FAR1: variants seen among roughly 807,000 people sequenced by gnomAD.
FAR1 encodes fatty acyl-CoA reductase 1.
In FAR1, 22 loss-of-function variants were observed where a neutral mutation model predicts 61.1. The ratio of observed to expected loss-of-function variants is 0.36; its 90% CI spans 0.26 to 0.51. FAR1 has a LOEUF of 0.51. Ranked by LOEUF, FAR1 falls within the 20% of genes least tolerant of loss-of-function variation. FAR1 has a pLI of 0.95. For missense variants in FAR1, 359 were observed against 626.9 expected (o/e 0.57, Z 4.56); for synonymous variants, 206 against 209.7 (o/e 0.98, Z 0.15).
intron 8 of FAR1, among the ~76,000 whole-genome samples, chr11:13,713,765 T>C (rs1848526427): frequency 6.6e-6 from 1 of 152,108 alleles, no homozygotes; most frequent in Admixed American, 6.6e-5. Flanking sequence ...TTCTGTGGCA[T>C]TTTTATTTCA....
chr11:13,692,763 T>C (rs1271577590), intron 1 of FAR1, among the ~76,000 whole-genome samples: 4 of 152,194 alleles, frequency 2.6e-5, no homozygotes, highest in African/African-American at 9.6e-5. Flanking sequence ...TTCTAAATGC[T>C]TTCATATTAT....
In FAR1 at chr11:13,699,512, A is replaced by T. The variant is rs199608764; in HGVS notation, c.190-805A>T. On this transcript the variant is annotated intron_variant, in intron 2 of 11. Transcript: ENST00000354817. Reference sequence around the variant, plus strand: ...TATAGACTTTCTTCTTAGGTTAAGAATCCTGCTTAAACTGCAAGTTTGAAC... The same window carrying T: ...TATAGACTTTCTTCTTAGGTTAAGATTCCTGCTTAAACTGCAAGTTTGAAC... Among the ~76,000 whole-genome samples the T allele has an allele frequency of 2.0e-5, 3 of 152,328 alleles. No homozygotes were observed. The East Asian group carries it at 5.8e-4, about 29-fold the overall frequency.
rs1391508867 is a variant in FAR1, at chr11:13,694,852, G to A, written c.87G>A (p.Lys29=). Reference sequence around the variant, plus strand: ...TTCTAGGGAAGGTGCTTCTGGAAAAGTTGCTGAGGTCTTGTCCTAAGGTGA... The same window carrying A: ...TTCTAGGGAAGGTGCTTCTGGAAAAATTGCTGAGGTCTTGTCCTAAGGTGA... The part of the protein sequence containing the change: ...TGFLGKVLLE[K]LLRSCPKVNS... The change falls in exon 2 of 12, where the codon AAG becomes AAA. Residue 29 remains lysine, a synonymous_variant. Transcript: ENST00000354817. 4 of 1,614,064 alleles carry A rather than the reference G, an allele frequency of 2.5e-6. No homozygotes were observed. Among genetic ancestry groups the A allele is most frequent in the Non-Finnish European group, 3.4e-6 (4 of 1,179,950 alleles).
intron 10 of FAR1, among the ~76,000 whole-genome samples, chr11:13,727,285 C>A (rs915115516): frequency 2.0e-5 from 3 of 151,700 alleles, no homozygotes; most frequent in Admixed American, 1.3e-4. Flanking sequence ...ATGGTACAGG[C>A]TTTTTTCTTC....
chr11:13,722,879 A>T (rs1048612540), intron 10 of FAR1, among the ~76,000 whole-genome samples: 9 of 148,094 alleles, frequency 6.1e-5, no homozygotes, highest in South Asian at 2.2e-4. Context: ...TATATATATA[A>T]AATATGTATA....
At chr11:13,687,428 A>G (rs1848199603) in intron 1 of FAR1, among the ~76,000 whole-genome samples, 2 of 152,328 alleles carry the variant, frequency 1.3e-5, no homozygotes, top group South Asian at 4.1e-4. Flanking sequence ...TGGTGCAGCT[A>G]CTTTTCAACA....
Position 13,676,969 on chromosome 11 carries a change from T to A in FAR1, c.-8+8163T>A, listed in dbSNP as rs976596288. ...CCTCTCCTTCAATAAATTTAAAGAG[T>A]GATCAGAGAGGTTGACTTGCCTAAG... On this transcript the variant is annotated intron_variant, in intron 1 of 11. Coordinates refer to ENST00000354817, the MANE Select transcript of FAR1 (RefSeq NM_032228.6). Among the ~76,000 whole-genome samples, 9 of 152,110 alleles carry A rather than the reference T, an allele frequency of 5.9e-5. No homozygotes were observed. In the East Asian group the frequency reaches 1.7e-3, roughly 29 times the overall value.
intron 9 of FAR1, among the ~76,000 whole-genome samples, chr11:13,715,018 A>G (rs181732918): frequency 6.5e-4 from 99 of 152,300 alleles, no homozygotes; most frequent in Middle Eastern, 3.4e-3. Context: ...CCTTTAAACC[A>G]AGTATTCAGG....
Position 13,721,583 on chromosome 11 carries a change from C to T in FAR1, c.1128-147C>T, listed in dbSNP as rs1848610108. On this transcript the variant is annotated intron_variant, in intron 9 of 11. Transcript: ENST00000354817. The surrounding 1 kb of genome is among the most constrained non-coding windows in gnomAD (Gnocchi z 4.2). Reference sequence around the variant, plus strand: ...CCAAGATGCAGAAATAGTCTTATTCCCTGCTGATTTGGTACACTTAATGAT... The same window carrying T: ...CCAAGATGCAGAAATAGTCTTATTCTCTGCTGATTTGGTACACTTAATGAT... The T allele has an allele frequency of 6.8e-6, 4 of 589,606 alleles. No individual in the cohort carries two copies. The highest frequency in any genetic ancestry group is 6.6e-5 in the East Asian group (2 of 30,356). The allele number at this position is 589,606 out of a possible 1,614,324, so 36.5% of individuals were successfully genotyped here.
intron 9 of FAR1, among the ~76,000 whole-genome samples, chr11:13,716,954 A>G (rs946205075): frequency 1.4e-5 from 1 of 72,654 alleles, no homozygotes; most frequent in African/African-American, 5.6e-5. Context: ...CCCCCACCCC[A>G]CGACAGGCCC....
At chr11:13,705,092 GA>G (rs1203413029) in intron 3 of FAR1, among the ~76,000 whole-genome samples, 6 of 151,880 alleles carry the variant, frequency 4.0e-5, no homozygotes, top group Non-Finnish European at 7.4e-5. Context: ...ATTTTTCTTT[GA>G]AGTGATTTCC....
intron 10 of FAR1, among the ~76,000 whole-genome samples, chr11:13,724,480 G>A (rs565549758): frequency 6.0e-5 from 9 of 150,276 alleles, no homozygotes; most frequent in African/African-American, 2.2e-4. Context: ...AGCCTAGGAG[G>A]CAGAGGTTGC....
chr11:13,668,749 C>T lies in FAR1; in HGVS notation c.-65C>T. The T allele has an allele frequency of 6.4e-6, 1 of 156,654 alleles. No homozygotes were observed. Among genetic ancestry groups the T allele is most frequent in the Non-Finnish European group, 1.4e-5 (1 of 70,922 alleles). 9.7% of individuals were successfully genotyped at this position (156,654 alleles called of 1,614,324 possible). A position where few individuals can be genotyped will look rare whatever the true frequency, so the allele number is the denominator to read the frequency against. The stretch of plus-strand genomic sequence containing the variant: ...GAGAGCGCGACGGCGGCGGCGGCGG[C>T]GGCGCAGCTATTGCTGGACGGCCAG... On this transcript the variant is annotated 5_prime_UTR_variant, in exon 1 of 12. Coordinates refer to ENST00000354817, the MANE Select transcript of FAR1 (RefSeq NM_032228.6).
intron 8 of FAR1, 136 bp downstream of exon 8, chr11:13,713,169 G>A: frequency 1.3e-6 from 1 of 754,956 alleles, no homozygotes; most frequent in Non-Finnish European, 2.4e-6. Flanking sequence ...CGTCTTAGAA[G>A]TATTATCTAC....
At chr11:13,726,305 T>A (rs1848666453) in intron 10 of FAR1, among the ~76,000 whole-genome samples, 1 of 152,066 alleles carries the variant, frequency 6.6e-6, no homozygotes, top group Non-Finnish European at 1.5e-5. Context: ...TCCCCAGACA[T>A]AAATCTAGAA....
intron 10 of FAR1, among the ~76,000 whole-genome samples, chr11:13,722,856 C>A (rs1252120100): frequency 2.1e-5 from 3 of 140,964 alleles, no homozygotes; most frequent in South Asian, 2.2e-4. Flanking sequence ...CTCTCTCTCT[C>A]TCTATATATA....
intron 3 of FAR1, among the ~76,000 whole-genome samples, chr11:13,707,671 CTTTAATT>C (rs1317803360): frequency 6.6e-6 from 1 of 152,016 alleles, no homozygotes; most frequent in Non-Finnish European, 1.5e-5. Context: ...TAAATTTCTA[CTTTAATT>C]TTTAAGGGCT....
At chr11:13,705,520 A>G (rs1256646779) in intron 3 of FAR1, among the ~76,000 whole-genome samples, 1 of 152,174 alleles carries the variant, frequency 6.6e-6, no homozygotes, top group Non-Finnish European at 1.5e-5. Flanking sequence ...TCCTTTGTGT[A>G]CTTTTCCCAA....
At chr11:13,719,374 T>A (rs1030377580) in intron 9 of FAR1, among the ~76,000 whole-genome samples, 4 of 152,216 alleles carry the variant, frequency 2.6e-5, no homozygotes, top group East Asian at 3.8e-4. Context: ...CAAAGTCTTA[T>A]AATTTATAAT....
Sources: gnomAD v4.1 joint callset for allele counts (sites outside exome capture counted in the v4.1 genomes callset) on GRCh38, gnomAD v4.1.1 for gene constraint, Gnocchi (gnomAD v3.1) non-coding constraint, MANE v1.5 for transcripts, NCBI Gene and HGNC (gene_info 2026-07-23, HGNC 2026-07-21) for gene names.